INSR: variants seen among roughly 807,000 people sequenced by gnomAD.
INSR encodes insulin receptor.
INSR carries 67 observed loss-of-function variants against 142.6 expected under a neutral mutation model. The ratio of observed to expected loss-of-function variants is 0.47; its 90% CI spans 0.39 to 0.58. INSR has a LOEUF of 0.58. Among genes scored for constraint, INSR ranks in the 20% least tolerant of loss-of-function variants. The probability of loss-of-function intolerance (pLI) is 0.00; values close to 1 mark genes in which losing one functional copy is unlikely to be tolerated. For missense variants in INSR, 1,248 were observed against 1,833.2 expected, an observed-to-expected ratio of 0.68 and a Z score of 5.83; for synonymous variants, 756 against 743.1, an observed-to-expected ratio of 1.02 and a Z score of -0.28.
At chr19:7,271,902 C>T (rs143365375) in intron 1 of INSR, among the ~76,000 whole-genome samples, 34 of 152,054 alleles carry the variant, frequency 2.2e-4, no homozygotes, top group Middle Eastern at 6.8e-3. Flanking sequence ...CCCAGCTACA[C>T]GGGAGACTGA....
chr19:7,187,869 A>C (rs946499449), intron 2 of INSR, among the ~76,000 whole-genome samples: 17 of 152,102 alleles, frequency 1.1e-4, no homozygotes, highest in Non-Finnish European at 2.5e-4. Context: ...ACTGTGCCTG[A>C]CACAATTCCA....
intron 4 of INSR, among the ~76,000 whole-genome samples, chr19:7,173,902 A>G (rs537524259): frequency 1.2e-4 from 19 of 152,010 alleles, no homozygotes; most frequent in African/African-American, 3.9e-4. Flanking sequence ...GATTACAGGC[A>G]TGAGCCACTG....
chr19:7,226,178 T>C (rs4804419), intron 2 of INSR, among the ~76,000 whole-genome samples: 151,870 of 152,230 alleles, frequency 1, 75,767 homozygotes, highest in Middle Eastern at 1. Context: ...GAGGCCGAGG[T>C]GGGAGGATCA....
rs1329788532 is a variant in INSR at position 7,159,267 on chromosome 19, C to T, written c.2029+3765G>A. On this transcript the variant is annotated intron_variant, in intron 9 of 21. Coordinates refer to ENST00000302850, the MANE Select transcript of INSR (RefSeq NM_000208.4). This position sits in a 1 kb window ranked among gnomAD's most constrained non-coding sequence, Gnocchi z 4.3. ...AAGTGCATTCACAATGTTGTGCAAT[C>T]ATCACCACCATCATCTCCGGAACTT... Among the ~76,000 whole-genome samples the T allele has an allele frequency of 6.6e-6, 1 of 152,110 alleles. No individual in the cohort carries two copies. The highest frequency in any genetic ancestry group is 1.5e-5 in the Non-Finnish European group (1 of 68,022).
At chr19:7,204,831 A>C (rs1055458444) in intron 2 of INSR, among the ~76,000 whole-genome samples, 1 of 152,268 alleles carries the variant, frequency 6.6e-6, no homozygotes, top group Non-Finnish European at 1.5e-5. Context: ...CTGTAATCCC[A>C]GCACTTTGGG....
At chr19:7,217,377 A>C (rs1385733992) in intron 2 of INSR, among the ~76,000 whole-genome samples, 1 of 152,064 alleles carries the variant, frequency 6.6e-6, no homozygotes, top group Non-Finnish European at 1.5e-5. Flanking sequence ...TCCTCAACTT[A>C]ATCACATCTG....
intron 2 of INSR, among the ~76,000 whole-genome samples, chr19:7,222,613 G>A (rs1420467673): frequency 6.6e-6 from 1 of 151,978 alleles, no homozygotes; most frequent in Non-Finnish European, 1.5e-5. Context: ...GGTTGGTCTT[G>A]AATCCCTGGC....
rs113506129 is a variant in INSR at position 7,150,395 on chromosome 19, T to C, written c.2267+102A>G. 3.9e-6 allele frequency: 4 copies of C among 1,037,394 alleles called. No homozygotes were observed. Among genetic ancestry groups the C allele is most frequent in the Non-Finnish European group, 3.0e-6 (2 of 670,108 alleles). 64.3% of individuals were successfully genotyped at this position (1,037,394 alleles called of 1,614,324 possible). A position where few individuals can be genotyped will look rare whatever the true frequency, so the allele number is the denominator to read the frequency against. On this transcript the variant is annotated intron_variant, in intron 11 of 21. Transcript: ENST00000302850. The surrounding 1 kb of genome is among the most constrained non-coding windows in gnomAD (Gnocchi z 4.2). ...CTCTCCAGCACAGCTGCCCGCCGCA[T>C]GCAAAAAGCCACAGAAACCCCTGGG...
chr19:7,193,487 G>A (rs1041300992), intron 2 of INSR, among the ~76,000 whole-genome samples: 3 of 151,232 alleles, frequency 2.0e-5, no homozygotes, highest in African/African-American at 7.3e-5. Flanking sequence ...ACTCCAGCCT[G>A]GCGACAGAGT....
At chr19:7,136,890 G>A (rs1214332734) in intron 13 of INSR, among the ~76,000 whole-genome samples, 1 of 150,124 alleles carries the variant, frequency 6.7e-6, no homozygotes, top group Non-Finnish European at 1.5e-5. Context: ...GGAGTGCAGT[G>A]GTGTGATCTC....
At position 7,115,566 on chromosome 19, in the gene INSR, G is replaced by C. The variant is rs1438816467; in HGVS notation, c.*1490C>G. 6.6e-6 allele frequency: 1 copy of C among 152,162 alleles called. No homozygotes were observed. Among genetic ancestry groups the C allele is most frequent in the African/African-American group, 2.4e-5 (1 of 41,422 alleles). 9.4% of individuals were successfully genotyped at this position (152,162 alleles called of 1,614,324 possible). ...TCTCAGTGCACCTCTCTCTTACATT[G>C]CTTAGATGTTCCCAAAGTCCATCCA... is the stretch of plus-strand genomic sequence containing the variant. On this transcript the variant is annotated 3_prime_UTR_variant, in exon 22 of 22. Transcript: ENST00000302850.
Position 7,161,410 on chromosome 19 carries a change from C to A in INSR, c.2029+1622G>T, listed in dbSNP as rs563111467. 1.4e-4 allele frequency among the ~76,000 whole-genome samples: 21 copies of A among 152,044 alleles called. No individual in the cohort carries two copies. In the South Asian group the frequency reaches 4.2e-3, roughly 30 times the overall value. On this transcript the variant is annotated intron_variant, in intron 9 of 21. Transcript: ENST00000302850. ...AAGTAACTGGGACTACAGGTGTACACCACCATTTTTTTAAATTTTTTTAGA... is the reference window on the plus strand; with the variant it reads ...AAGTAACTGGGACTACAGGTGTACAACACCATTTTTTTAAATTTTTTTAGA...
intron 2 of INSR, among the ~76,000 whole-genome samples, chr19:7,262,472 C>CAAAAAATA (rs1439299759): frequency 1.3e-5 from 2 of 151,974 alleles, no homozygotes; most frequent in Admixed American, 6.6e-5. Flanking sequence ...AACTCCGTCT[C>CAAAAAATA]AAAAAATAAA....
At position 7,166,184 on chromosome 19, in the gene INSR, C is replaced by T. The variant is rs1270834796; in HGVS notation, c.1831G>A (p.Asp611Asn). The T allele has an allele frequency of 6.2e-7, 1 of 1,614,048 alleles. No individual in the cohort carries two copies. Among genetic ancestry groups the T allele is most frequent in the Non-Finnish European group, 8.5e-7 (1 of 1,180,042 alleles). The part of the protein sequence containing the change: ...DERRTYGAKS[D>N]IIYVQTDATN... ...GCATCTGTCTGGACATAAATGATGT[C>T]ACTCTTGGCCCCATAGGTCCGGCGT... Residue 611 changes from aspartate to asparagine, a missense_variant, in exon 8 of 22, where the codon GAC becomes AAC. Asp to Asn is a conservative substitution (Grantham distance 23). Around this residue, in one of 3 missense-constraint regions of INSR, gnomAD observed 1,069 missense variants for 1,654.0 expected, o/e 0.65. Transcript: ENST00000302850. The surrounding 1 kb of genome is among the most constrained non-coding windows in gnomAD (Gnocchi z 4.1).
At chr19:7,275,702 G>A (rs966576940) in intron 1 of INSR, among the ~76,000 whole-genome samples, 8 of 151,518 alleles carry the variant, frequency 5.3e-5, no homozygotes, top group Admixed American at 4.0e-4. Flanking sequence ...CAGGAGAATC[G>A]CTTGAACCTG....
intron 1 of INSR, among the ~76,000 whole-genome samples, chr19:7,287,705 T>C (rs1443393856): frequency 1.3e-5 from 2 of 152,168 alleles, no homozygotes; most frequent in Non-Finnish European, 2.9e-5. Flanking sequence ...CTTTAACATC[T>C]CTTGCGGTGT....
chr19:7,256,019 C>CATA (rs1976880950), intron 2 of INSR, among the ~76,000 whole-genome samples: 1 of 152,184 alleles, frequency 6.6e-6, no homozygotes, highest in Non-Finnish European at 1.5e-5. Flanking sequence ...AGCCCAGAAA[C>CATA]ATACTCTCTA....
intron 2 of INSR, among the ~76,000 whole-genome samples, chr19:7,254,305 C>G (rs115715155): frequency 6.6e-6 from 1 of 151,950 alleles, no homozygotes; most frequent in Non-Finnish European, 1.5e-5. Context: ...CACTTGAGGA[C>G]AGGAATTTGT....
rs768734111 is a variant in INSR at position 7,152,733 on chromosome 19, C to T, written c.2224G>A (p.Val742Ile). ...CCAGCGCCAAGTCCTGACCTGGGGA[C>T]GAAAACCACGTTGTGCAGGTAATCC... ...FEDYLHNVVF[V>I]PRKTSSGTGA... Residue 742 changes from valine (V) to isoleucine (I), a missense_variant, in exon 10 of 22, where the codon GTC becomes ATC. Physicochemically the swap from Val to Ile is conservative, Grantham distance 29 (BLOSUM62 3). Around this residue, in one of 3 missense-constraint regions of INSR, gnomAD observed 1,069 missense variants for 1,654.0 expected, o/e 0.65. Transcript: ENST00000302850. 7 of 1,612,356 alleles carry T rather than the reference C, an allele frequency of 4.3e-6. No individual in the cohort carries two copies. The South Asian group carries it at 4.4e-5, about 10-fold the overall frequency.
Sources: gnomAD v4.1 joint callset for allele counts (sites outside exome capture counted in the v4.1 genomes callset) on GRCh38, gnomAD v4.1.1 for gene constraint, gnomAD v4.1.1 regional missense constraint, Gnocchi (gnomAD v3.1) non-coding constraint, MANE v1.5 for transcripts, NCBI Gene and HGNC (gene_info 2026-07-23, HGNC 2026-07-21) for gene names.